Variants in ASB10 observed in about 807,000 individuals in gnomAD.
ASB10 encodes ankyrin repeat and SOCS box containing 10.
In ASB10, 44 loss-of-function variants were observed where a neutral mutation model predicts 35.4. The observed-to-expected ratio is 1.24, with a 90% CI of 0.98 to 1.60. The LOEUF (loss-of-function observed/expected upper bound fraction) is 1.60, where lower values mean the gene tolerates loss of function less well. ASB10 is among the 40% of genes most tolerant of loss of function. The probability of loss-of-function intolerance (pLI) is 0.00; values close to 1 mark genes in which losing one functional copy is unlikely to be tolerated. For synonymous variants in ASB10, 294 were observed against 280.4 expected (o/e 1.05, Z -0.49); for missense variants, 647 against 634.3 (o/e 1.02, Z -0.22).
At chr7:151,176,932 G>A (rs1031851711) in intron 3 of ASB10, among the ~76,000 whole-genome samples, 1 of 152,214 alleles carries the variant, frequency 6.6e-6, no homozygotes, top group Non-Finnish European at 1.5e-5. Context: ...GCACAGACAC[G>A]GACACAGAAA....
rs1252132428 is a variant in ASB10 at position 151,186,553 on chromosome 7, C to T, written c.423G>A (p.Arg141=). The T allele has an allele frequency of 1.9e-6, 3 of 1,603,996 alleles. No homozygotes were observed. Among genetic ancestry groups the T allele is most frequent in the South Asian group, 1.1e-5 (1 of 89,514 alleles). The part of the protein sequence containing the change: ...VLRLLLRRRA[R]PDSAPGGRTA... ...TGCGGCCCCCAGGGGCACTGTCTGGCCTTGCTCGCCGCCTCAGCAGCAGCC... is the reference window on the plus strand; with the variant it reads ...TGCGGCCCCCAGGGGCACTGTCTGGTCTTGCTCGCCGCCTCAGCAGCAGCC... The change falls in exon 2 of 6, where the codon AGG becomes AGA. Residue 141 remains arginine, a synonymous_variant. Coordinates refer to ENST00000420175, the MANE Select transcript of ASB10 (RefSeq NM_001142459.2).
rs926986076 is a variant in ASB10, at chr7:151,175,851, T to A, written c.*116A>T. ...CATTGGGAATTGCAGCATCCACACCTGCCTGCGGAGCTGGGCCTCCTGCTG... is the reference window on the plus strand; with the variant it reads ...CATTGGGAATTGCAGCATCCACACCAGCCTGCGGAGCTGGGCCTCCTGCTG... On this transcript the variant is annotated 3_prime_UTR_variant, in exon 6 of 6. Transcript: ENST00000420175. 5.9e-6 allele frequency: 3 copies of A among 504,592 alleles called. No individual in the cohort carries two copies. The African/African-American group carries it at 6.0e-5, about 10-fold the overall frequency. 31.3% of individuals were successfully genotyped at this position (504,592 alleles called of 1,614,324 possible).
chr7:151,185,255 A>T (rs1021175147), intron 2 of ASB10, among the ~76,000 whole-genome samples: 6 of 150,454 alleles, frequency 4.0e-5, no homozygotes, highest in Non-Finnish European at 5.9e-5. Context: ...AGTCGCTGGG[A>T]TTACAGGCGC....
In ASB10 at chr7:151,176,589, C is replaced by T. The variant is rs1801392896; in HGVS notation, c.1192G>A (p.Gly398Ser). The T allele has an allele frequency of 9.0e-6, 14 of 1,551,124 alleles. No homozygotes were observed. Among genetic ancestry groups the T allele is most frequent in the Admixed American group, 3.9e-5 (2 of 50,974 alleles). Residue 398 changes from glycine (G) to serine (S), a missense_variant, in exon 4 of 6, where the codon GGC becomes AGC. By Grantham distance (56) the Gly-to-Ser change is moderately conservative. Transcript: ENST00000420175. ...TGCAGAGTTTCAGGAGTCACCAGGC[C>T]GACGGCCTCCTCGGGAAGCTGCACA... ...SVVQLPEEAV[G>S]LVTPETLQKH...
rs979860885 is a variant in ASB10, at chr7:151,176,118, G to C, written c.1398C>G (p.Leu466=). The change falls in exon 5 of 6, where the codon CTC becomes CTG. Residue 466 remains leucine (L), a synonymous_variant. Transcript: ENST00000420175. The part of the protein sequence containing the change: ...RYLQLDFEGV[L]Y ...CACAGATCCCGGGGCTCACCTAGTA[G>C]AGCACGCCCTCAAAATCCAGCTGCA... 1.9e-6 allele frequency: 3 copies of C among 1,611,188 alleles called. No individual in the cohort carries two copies. The highest frequency in any genetic ancestry group is 1.3e-5 in the African/African-American group (1 of 74,912).
chr7:151,177,576 G>T (rs1801411459), intron 3 of ASB10, among the ~76,000 whole-genome samples: 1 of 143,974 alleles, frequency 6.9e-6, no homozygotes, highest in Admixed American at 6.9e-5. Context: ...AGTGAGGGTA[G>T]AGACAGCTAC....
chr7:151,177,222 G>A (rs575131605), intron 3 of ASB10, among the ~76,000 whole-genome samples: 1 of 152,350 alleles, frequency 6.6e-6, no homozygotes, highest in South Asian at 2.1e-4. Flanking sequence ...CCTTTCTATT[G>A]TGCATAACTC....
In ASB10 at chr7:151,181,227, G is replaced by T; in HGVS notation, c.816C>A (p.Arg272=). 6.2e-7 allele frequency: 1 copy of T among 1,613,020 alleles called. No individual in the cohort carries two copies. Among genetic ancestry groups the T allele is most frequent in the East Asian group, 2.2e-5 (1 of 44,886 alleles). ...GCAGCAAGCTGCACAGCTGCAGGCA[G>T]CGGGCGGTGGTGGCCTCGGCATCGG... is the stretch of plus-strand genomic sequence containing the variant. The part of the protein sequence containing the change: ...SITDAEATTA[R]CLQLCSLLLS... The change falls in exon 3 of 6, where the codon CGC becomes CGA. Residue 272 remains arginine, a synonymous_variant. Transcript: ENST00000420175.
At chr7:151,185,404 C>A (rs563544264) in intron 2 of ASB10, among the ~76,000 whole-genome samples, 1 of 152,236 alleles carries the variant, frequency 6.6e-6, no homozygotes, top group East Asian at 1.9e-4. Context: ...CAGGTGTGAG[C>A]CACCGTGCCC....
intron 2 of ASB10, among the ~76,000 whole-genome samples, chr7:151,185,305 G>A (rs1032129981): frequency 2.6e-5 from 4 of 151,856 alleles, no homozygotes; most frequent in African/African-American, 9.7e-5. Flanking sequence ...TTTTAGTAGA[G>A]ACAAGGTTTG....
At chr7:151,176,378 G>A in intron 4 of ASB10, 81 bp from the exon 5 acceptor site, 1 of 1,491,056 alleles carries the variant, frequency 6.7e-7, no homozygotes, top group Non-Finnish European at 8.9e-7. Context: ...AGGCTGGTGA[G>A]GGGTGGGGCA....
chr7:151,181,027 G>C lies in ASB10; in HGVS notation c.1016C>G (p.Ala339Gly). 1 of 1,607,718 alleles carries C rather than the reference G, an allele frequency of 6.2e-7. No homozygotes were observed. The highest frequency in any genetic ancestry group is 8.5e-7 in the Non-Finnish European group (1 of 1,176,328). ...CTCGGGGCTCTGGGCCAGGGCTGCAGCTGGGCCCTGCAGAGCACAGTGCAG... is the reference window on the plus strand; with the variant it reads ...CTCGGGGCTCTGGGCCAGGGCTGCACCTGGGCCCTGCAGAGCACAGTGCAG... The part of the protein sequence containing the change: ...TPLHCALQGP[A>G]AALAQSPEHV... The change falls in exon 3 of 6, where the codon GCT becomes GGT. Residue 339 changes from alanine (A) to glycine (G), a missense_variant. By Grantham distance (60) the Ala-to-Gly change is moderately conservative (BLOSUM62 0). Coordinates refer to ENST00000420175, the MANE Select transcript of ASB10 (RefSeq NM_001142459.2).
Position 151,181,035 on chromosome 7 carries a change from C to T in ASB10, c.1008G>A (p.Gln336=), listed in dbSNP as rs755450741. ...GGHTPLHCAL[Q]GPAAALAQSP... The stretch of plus-strand genomic sequence containing the variant: ...TCTGGGCCAGGGCTGCAGCTGGGCC[C>T]TGCAGAGCACAGTGCAGGGGCGTGT... Residue 336 remains glutamine (Q), a synonymous_variant, in exon 3 of 6, where the codon CAG becomes CAA. Coordinates refer to ENST00000420175, the MANE Select transcript of ASB10 (RefSeq NM_001142459.2). 1.2e-6 allele frequency: 2 copies of T among 1,610,310 alleles called. No homozygotes were observed. Among genetic ancestry groups the T allele is most frequent in the Non-Finnish European group, 1.7e-6 (2 of 1,178,286 alleles).
At chr7:151,185,569 C>T (rs1013245980) in intron 2 of ASB10, among the ~76,000 whole-genome samples, 6 of 152,174 alleles carry the variant, frequency 3.9e-5, no homozygotes, top group Non-Finnish European at 7.4e-5. Flanking sequence ...ATGAGATTAA[C>T]AAGAAGGAGA....
chr7:151,176,686 G>A lies in ASB10; in HGVS notation c.1105-10C>T, dbSNP rs367834189. 1.2e-4 allele frequency: 190 copies of A among 1,539,878 alleles called. No individual in the cohort carries two copies. In the African/African-American group the frequency reaches 2.5e-3, roughly 20 times the overall value. On this transcript the variant is annotated splice_polypyrimidine_tract_variant and intron_variant, in intron 3 of 5. Coordinates refer to ENST00000420175, the MANE Select transcript of ASB10 (RefSeq NM_001142459.2). ...TCCAGCGCTCCAGCACCTGTGGGAG[G>A]CAGAGGCATGTTGGGTCCTCAGTCA...
At chr7:151,178,356 G>A (rs576215428) in intron 3 of ASB10, among the ~76,000 whole-genome samples, 6 of 152,224 alleles carry the variant, frequency 3.9e-5, no homozygotes, top group South Asian at 2.1e-4. Context: ...TGCAGCAAGC[G>A]GGCAAGCCAC....
rs377269563 is a variant in ASB10 at position 151,181,372 on chromosome 7, C to T, written c.671G>A (p.Arg224Gln). The T allele has an allele frequency of 6.2e-6, 10 of 1,612,886 alleles. No individual in the cohort carries two copies. Among genetic ancestry groups the T allele is most frequent in the Non-Finnish European group, 8.5e-6 (10 of 1,179,908 alleles). The change falls in exon 3 of 6, where the codon CGG becomes CAG. Residue 224 changes from arginine to glutamine, a missense_variant. Coordinates refer to ENST00000420175, the MANE Select transcript of ASB10 (RefSeq NM_001142459.2). ...ATCTGCCAGCTCCACATGGCCAAGC[C>T]GGGCGGCCACATGCAAAGGGGTCTC... Reference protein sequence around the residue: ...EEETPLHVAARLGHVELADLL... With the variant: ...EEETPLHVAAQLGHVELADLL...
intron 3 of ASB10, among the ~76,000 whole-genome samples, chr7:151,179,930 G>A (rs906257872): frequency 6.6e-6 from 1 of 152,220 alleles, no homozygotes; most frequent in African/African-American, 2.4e-5. Context: ...TTTCCCAAAG[G>A]GGAGACCAAT....
chr7:151,180,892 C>T lies in ASB10; in HGVS notation c.1104+47G>A, dbSNP rs376140115. 5 of 1,442,364 alleles carry T rather than the reference C, an allele frequency of 3.5e-6. No individual in the cohort carries two copies. In the East Asian group the frequency reaches 1.2e-4, roughly 36 times the overall value. 89.3% of individuals were successfully genotyped at this position (1,442,364 alleles called of 1,614,324 possible). On this transcript the variant is annotated intron_variant, in intron 3 of 5. Coordinates refer to ENST00000420175, the MANE Select transcript of ASB10 (RefSeq NM_001142459.2). The stretch of plus-strand genomic sequence containing the variant: ...AACCGGAGCACAGGCCCAGGTCTCC[C>T]TGTCCCCTCACCATGGTGGCCCTCC...
Sources: allele counts gnomAD v4.1 joint callset (sites outside exome capture counted in the v4.1 genomes callset), GRCh38; gene constraint gnomAD v4.1.1; transcripts MANE v1.5; gene names NCBI Gene and HGNC (gene_info 2026-07-23, HGNC 2026-07-21).